KLF12: variants seen among roughly 807,000 people sequenced by gnomAD.
The protein encoded by KLF12 is KLF transcription factor 12.
Under a neutral mutation model 37.8 loss-of-function variants are expected in KLF12, and 9 were observed. That is an observed-to-expected ratio of 0.24 (90% CI 0.14 to 0.42). KLF12 has a LOEUF of 0.42. Ranked by LOEUF, KLF12 falls within the 10% of genes least tolerant of loss-of-function variation. KLF12 has a pLI of 1.00. For missense variants in KLF12, 411 were observed against 516.0 expected (o/e 0.80, Z 1.97); for synonymous variants, 208 against 202.1 (o/e 1.03, Z -0.25).
chr13:73,865,114 T>G (rs1171971673), intron 3 of KLF12, among the ~76,000 whole-genome samples: 2 of 152,230 alleles, frequency 1.3e-5, no homozygotes, highest in Non-Finnish European at 2.9e-5. Context: ...CTTGATTGCC[T>G]AAATTCCAGA....
intron 1 of KLF12, among the ~76,000 whole-genome samples, chr13:74,055,952 AAAG>A (rs1234347308): frequency 6.6e-6 from 1 of 152,172 alleles, no homozygotes; most frequent in Non-Finnish European, 1.5e-5. Context: ...GAAGAAACAG[AAAG>A]AAGCATTGAG....
At chr13:74,240,426 A>T in the KLF12 span, among the ~76,000 whole-genome samples, 1 of 67,946 alleles carries the variant, frequency 1.5e-5, no homozygotes, top group Non-Finnish European at 2.7e-5. Flanking sequence ...TGTGTCTTGG[A>T]GTTGCTCTTC....
At chr13:74,191,136 T>C in the KLF12 span, among the ~76,000 whole-genome samples, 90 of 152,282 alleles carry the variant, frequency 5.9e-4, no homozygotes, top group African/African-American at 2.0e-3. Context: ...CTTCATTATA[T>C]TGTGAACTCT....
intron 3 of KLF12, among the ~76,000 whole-genome samples, chr13:73,931,547 A>G (rs1377261303): frequency 1.3e-5 from 2 of 152,206 alleles, no homozygotes; most frequent in Non-Finnish European, 2.9e-5. Context: ...TAGACATGCA[A>G]TGTCAATGGA....
At chr13:73,808,654 T>C (rs1362776257) in intron 5 of KLF12, among the ~76,000 whole-genome samples, 1 of 152,182 alleles carries the variant, frequency 6.6e-6, no homozygotes, top group East Asian at 1.9e-4. Flanking sequence ...GCAAAATACA[T>C]AGCACCAGAC....
At chr13:74,094,139 C>G (rs1318710338) in intron 1 of KLF12, among the ~76,000 whole-genome samples, 1 of 152,014 alleles carries the variant, frequency 6.6e-6, no homozygotes, top group African/African-American at 2.4e-5. Context: ...AGACTAAGCT[C>G]ATAAATATCT....
At chr13:74,118,131 A>G (rs2138963768) in intron 1 of KLF12, among the ~76,000 whole-genome samples, 1 of 152,292 alleles carries the variant, frequency 6.6e-6, no homozygotes, top group South Asian at 2.1e-4. Context: ...CAAATATATT[A>G]AAGTATTTAT....
At chr13:73,974,126 AAG>A (rs1325014654) in intron 2 of KLF12, among the ~76,000 whole-genome samples, 2 of 152,164 alleles carry the variant, frequency 1.3e-5, no homozygotes, top group African/African-American at 4.8e-5. Context: ...ACAAAGAACA[AAG>A]AGAGCCTGAA....
At chr13:73,718,781 C>T (rs780286630) in intron 6 of KLF12, among the ~76,000 whole-genome samples, 2 of 152,132 alleles carry the variant, frequency 1.3e-5, no homozygotes, top group Non-Finnish European at 2.9e-5. Flanking sequence ...GTAGTCCCAG[C>T]TACTTGGGAG....
chr13:74,029,859 T>TA (rs1893070359), intron 1 of KLF12, among the ~76,000 whole-genome samples: 2 of 152,144 alleles, frequency 1.3e-5, no homozygotes, highest in South Asian at 4.1e-4. Flanking sequence ...GACCTATAGT[T>TA]AAGTGCATAT....
At chr13:74,030,853 A>C (rs1451201329) in intron 1 of KLF12, among the ~76,000 whole-genome samples, 1 of 152,110 alleles carries the variant, frequency 6.6e-6, no homozygotes, top group Admixed American at 6.6e-5. Flanking sequence ...CAAGGTAAAG[A>C]TCTTGACTAA....
At chr13:74,298,225 G>A in the KLF12 span, among the ~76,000 whole-genome samples, 1 of 152,136 alleles carries the variant, frequency 6.6e-6, no homozygotes, top group Non-Finnish European at 1.5e-5. Flanking sequence ...TAGTTTTATG[G>A]CATTTAAATA....
intron 2 of KLF12, among the ~76,000 whole-genome samples, chr13:73,982,601 T>G (rs1304136655): frequency 6.6e-6 from 1 of 152,236 alleles, no homozygotes; most frequent in Non-Finnish European, 1.5e-5. Context: ...TGTTGGGTTA[T>G]CACAAATGTG....
chr13:74,099,061 C>G (rs1307229349), intron 1 of KLF12, among the ~76,000 whole-genome samples: 1 of 152,090 alleles, frequency 6.6e-6, no homozygotes, highest in Non-Finnish European at 1.5e-5. Context: ...AGAAAAATCA[C>G]TTTGGACCAG....
chr13:74,180,277 T>G, the KLF12 span, among the ~76,000 whole-genome samples: 1 of 152,230 alleles, frequency 6.6e-6, no homozygotes. Context: ...GTTTGCTGAA[T>G]TTAGGGAAAT....
rs543939917 is a variant in KLF12 at position 73,688,779 on chromosome 13, T to C, written c.*6711A>G. The stretch of plus-strand genomic sequence containing the variant: ...ACTTGAAAAATATGATGACTACTCA[T>C]GCATGTTGTCCATAATAAAATTACT... On this transcript the variant is annotated 3_prime_UTR_variant, in exon 8 of 8. Coordinates refer to ENST00000377669, the MANE Select transcript of KLF12 (RefSeq NM_007249.5). 1.3e-5 allele frequency: 2 copies of C among 152,322 alleles called. No individual in the cohort carries two copies. The highest frequency in any genetic ancestry group is 1.3e-4 in the Admixed American group (2 of 15,290). The allele number at this position is 152,322 out of a possible 1,614,324, so 9.4% of individuals were successfully genotyped here.
chr13:73,912,989 C>G (rs536238416), intron 3 of KLF12, among the ~76,000 whole-genome samples: 20 of 150,274 alleles, frequency 1.3e-4, no homozygotes, highest in African/African-American at 4.7e-4. Context: ...GCGTTACCTT[C>G]TCCAAGAAAC....
intron 3 of KLF12, among the ~76,000 whole-genome samples, chr13:73,863,643 T>C (rs1395197259): frequency 6.6e-6 from 1 of 152,188 alleles, no homozygotes; most frequent in Admixed American, 6.5e-5. Context: ...TGATGCCATC[T>C]TTGATTATTC....
At chr13:73,793,429 A>G (rs1472603588) in intron 5 of KLF12, among the ~76,000 whole-genome samples, 1 of 152,236 alleles carries the variant, frequency 6.6e-6, no homozygotes, top group African/African-American at 2.4e-5. Flanking sequence ...AGACCTAGAC[A>G]TCTATAGGTA....
Sources: gnomAD v4.1 joint callset for allele counts (sites outside exome capture counted in the v4.1 genomes callset) on GRCh38, gnomAD v4.1.1 for gene constraint, MANE v1.5 for transcripts, NCBI Gene and HGNC (gene_info 2026-07-23, HGNC 2026-07-21) for gene names.